Variants in FBXO34 observed in about 807,000 individuals in gnomAD.
FBXO34 encodes F-box only protein 34.
A neutral mutation model predicts 24.5 loss-of-function variants in FBXO34; 12 were observed. That is an observed-to-expected ratio of 0.49 (90% CI 0.31 to 0.79). The LOEUF (loss-of-function observed/expected upper bound fraction) is 0.79, where lower values mean the gene tolerates loss of function less well. Ranked by LOEUF, FBXO34 falls within the 30% of genes least tolerant of loss-of-function variation. The pLI is 0.04. For missense variants in FBXO34, 823 were observed against 857.7 expected (o/e 0.96, Z 0.51); for synonymous variants, 320 against 311.9 (o/e 1.03, Z -0.27).
At chr14:55,310,609 C>T (rs1028322171) in intron 1 of FBXO34, among the ~76,000 whole-genome samples, 7 of 152,184 alleles carry the variant, frequency 4.6e-5, no homozygotes, top group African/African-American at 1.7e-4. Flanking sequence ...ATTAGGGTTT[C>T]TTCATGCCTG....
chr14:55,302,457 T>C (rs139847239), intron 1 of FBXO34, among the ~76,000 whole-genome samples: 1 of 150,398 alleles, frequency 6.6e-6, no homozygotes, highest in African/African-American at 2.5e-5. Flanking sequence ...TTTTTTGTTT[T>C]TTTTTTTTTT....
chr14:55,407,861 CT>C, the FBXO34 span, among the ~76,000 whole-genome samples: 2 of 152,138 alleles, frequency 1.3e-5, no homozygotes, highest in South Asian at 4.1e-4. Flanking sequence ...AAGAAGTGGC[CT>C]TTAAGTTGAA....
intron 1 of FBXO34, among the ~76,000 whole-genome samples, chr14:55,323,616 C>T (rs1253551810): frequency 3.9e-5 from 6 of 152,034 alleles, no homozygotes; most frequent in Admixed American, 3.9e-4. Context: ...CTCCTGACGT[C>T]ATGATCCGCC....
intron 1 of FBXO34, among the ~76,000 whole-genome samples, chr14:55,289,647 C>T (rs1881876640): frequency 6.6e-6 from 1 of 152,142 alleles, no homozygotes; most frequent in African/African-American, 2.4e-5. Context: ...GAAATCCTCC[C>T]ACCTCAGCCT....
the FBXO34 span, chr14:55,435,969 G>C: frequency 1.7e-6 from 2 of 1,172,512 alleles, no homozygotes; most frequent in Non-Finnish European, 2.4e-6. Context: ...ACTTATATCA[G>C]ATATAAAGAG....
the FBXO34 span, among the ~76,000 whole-genome samples, chr14:55,416,146 T>C: frequency 6.6e-6 from 1 of 152,144 alleles, no homozygotes; most frequent in Non-Finnish European, 1.5e-5. Context: ...AATAGAAATG[T>C]TTTAGAACTA....
At chr14:55,357,247 A>C (rs7154831), downstream of FBXO34, among the ~76,000 whole-genome samples, 45,911 of 152,092 alleles carry the variant, frequency 0.3, 7,240 homozygotes, top group Non-Finnish European at 0.34. Flanking sequence ...GTTTGACCTT[A>C]ACAGTTTTAG....
intron 3 of FBXO34, among the ~76,000 whole-genome samples, chr14:55,359,009 G>C (rs1186935152): frequency 1.3e-5 from 2 of 152,060 alleles, no homozygotes; most frequent in African/African-American, 4.8e-5. Flanking sequence ...TGGCAGGGAA[G>C]GAGCCAGGGA....
At chr14:55,402,337 A>G in the FBXO34 span, among the ~76,000 whole-genome samples, 1 of 152,330 alleles carries the variant, frequency 6.6e-6, no homozygotes, top group Middle Eastern at 3.4e-3. Flanking sequence ...GTATTTTAAG[A>G]AAGGCAAAAA....
intron 1 of FBXO34, among the ~76,000 whole-genome samples, 188 bp downstream of exon 1, chr14:55,271,725 C>G (rs1188609691): frequency 2.6e-5 from 4 of 151,024 alleles, no homozygotes; most frequent in Non-Finnish European, 5.9e-5. Flanking sequence ...GCGCCTCCTC[C>G]GGTGCGGCTC....
At chr14:55,428,747 C>A in the FBXO34 span, 13 of 1,522,070 alleles carry the variant, frequency 8.5e-6, no homozygotes, top group South Asian at 2.5e-5. Flanking sequence ...ACGTAAGCAA[C>A]CCATAATGTA....
chr14:55,331,334 T>C (rs1428091020), intron 1 of FBXO34, among the ~76,000 whole-genome samples: 1 of 152,068 alleles, frequency 6.6e-6, no homozygotes, highest in Non-Finnish European at 1.5e-5. Flanking sequence ...CTGCACTGAA[T>C]AATTTCTGTT....
chr14:55,385,914 T>C, the FBXO34 span: 1 of 1,614,184 alleles, frequency 6.2e-7, no homozygotes, highest in Non-Finnish European at 8.5e-7. Context: ...AGCTCTAATA[T>C]ATGGGATCGT....
chr14:55,332,242 G>A (rs1395534777), intron 1 of FBXO34, among the ~76,000 whole-genome samples: 1 of 151,730 alleles, frequency 6.6e-6, no homozygotes, highest in African/African-American at 2.4e-5. Flanking sequence ...AGCATAGTAG[G>A]TGTTAAATCG....
At chr14:55,406,910 A>C in the FBXO34 span, among the ~76,000 whole-genome samples, 8 of 150,762 alleles carry the variant, frequency 5.3e-5, no homozygotes, top group Non-Finnish European at 1.0e-4. Flanking sequence ...ACCACAACAT[A>C]TCTCTCTTCT....
At chr14:55,384,989 T>C in the FBXO34 span, among the ~76,000 whole-genome samples, 1 of 152,176 alleles carries the variant, frequency 6.6e-6, no homozygotes, top group Non-Finnish European at 1.5e-5. Context: ...GTCCTGTCTG[T>C]CCCACCAGGG....
chr14:55,432,815 G>A, the FBXO34 span, among the ~76,000 whole-genome samples: 3 of 152,172 alleles, frequency 2.0e-5, no homozygotes, highest in Admixed American at 1.3e-4. Flanking sequence ...TGCCACTACA[G>A]AGTTATGGTG....
chr14:55,347,175 T>C (rs2140082468), intron 1 of FBXO34, among the ~76,000 whole-genome samples: 1 of 152,282 alleles, frequency 6.6e-6, no homozygotes, highest in South Asian at 2.1e-4. Flanking sequence ...AGCAACAGTT[T>C]AAAATACAAT....
chr14:55,398,829 C>T, the FBXO34 span, among the ~76,000 whole-genome samples: 1 of 151,130 alleles, frequency 6.6e-6, no homozygotes, highest in Non-Finnish European at 1.5e-5. Flanking sequence ...TAAGATGTGG[C>T]TTGCTGCTTA....
Sources: allele counts gnomAD v4.1 joint callset (sites outside exome capture counted in the v4.1 genomes callset), GRCh38; gene constraint gnomAD v4.1.1; transcripts MANE v1.5; gene names NCBI Gene and HGNC (gene_info 2026-07-23, HGNC 2026-07-21).